The following EYS variants were observed in gnomAD, a reference collection of about 807,000 sequenced individuals.
The protein encoded by EYS is protein eyes shut homolog.
EYS carries 250 observed loss-of-function variants against 282.1 expected under a neutral mutation model. The observed-to-expected ratio is 0.89, with a 90% CI of 0.80 to 0.98. The LOEUF is 0.98. Ranked by LOEUF, EYS falls within the 50% of genes least tolerant of loss-of-function variation. EYS has a pLI of 0.00. For synonymous variants in EYS, 1,355 were observed against 1,282.9 expected, an observed-to-expected ratio of 1.06 and a Z score of -1.20; for missense variants, 4,016 against 3,709.0, an observed-to-expected ratio of 1.08 and a Z score of -2.15.
At chr6:63,844,471 C>A (rs1490602922) in intron 36 of EYS, among the ~76,000 whole-genome samples, 2 of 152,098 alleles carry the variant, frequency 1.3e-5, no homozygotes, top group Non-Finnish European at 2.9e-5. Flanking sequence ...CATTCCCGCC[C>A]ACAGTGTAAA....
At chr6:65,585,405 A>G (rs545341488) in intron 2 of EYS, among the ~76,000 whole-genome samples, 16 of 152,082 alleles carry the variant, frequency 1.1e-4, no homozygotes, top group Non-Finnish European at 2.4e-4. Flanking sequence ...ACTTGCTTCA[A>G]TAATCCTCAA....
intron 2 of EYS, among the ~76,000 whole-genome samples, chr6:65,574,410 A>C (rs1234041957): frequency 6.6e-6 from 1 of 152,218 alleles, no homozygotes. Context: ...ATGTATGTAC[A>C]CTGAGAGTGA....
intron 26 of EYS, among the ~76,000 whole-genome samples, chr6:64,571,936 A>G (rs936648132): frequency 6.6e-6 from 1 of 152,190 alleles, no homozygotes; most frequent in Non-Finnish European, 1.5e-5. Context: ...TGAGGCCAGC[A>G]TCATCCTGAT....
At chr6:65,159,131 T>C (rs1764793999) in intron 12 of EYS, among the ~76,000 whole-genome samples, 1 of 150,940 alleles carries the variant, frequency 6.6e-6, no homozygotes, top group Non-Finnish European at 1.5e-5. Context: ...ACATAATTTT[T>C]GCCCCTCTAT....
At chr6:65,275,794 T>C (rs1295373164) in intron 12 of EYS, among the ~76,000 whole-genome samples, 1 of 152,154 alleles carries the variant, frequency 6.6e-6, no homozygotes, top group East Asian at 1.9e-4. Flanking sequence ...AGCTACCTGG[T>C]GGCAGATTGG....
intron 29 of EYS, among the ~76,000 whole-genome samples, chr6:64,323,635 A>C (rs542118904): frequency 1.2e-3 from 189 of 152,248 alleles, no homozygotes; most frequent in Middle Eastern, 0.01. Flanking sequence ...TTGAGGAGGG[A>C]GCTAGTAGCT....
intron 12 of EYS, among the ~76,000 whole-genome samples, chr6:65,211,740 GA>G (rs912470169): frequency 2.6e-5 from 4 of 151,244 alleles, no homozygotes; most frequent in South Asian, 2.1e-4. Context: ...AGGAGGGGCA[GA>G]AAAAAAAGCC....
intron 29 of EYS, among the ~76,000 whole-genome samples, chr6:64,370,082 G>A (rs1772313963): frequency 6.6e-6 from 1 of 152,090 alleles, no homozygotes; most frequent in African/African-American, 2.4e-5. Context: ...GGAGTGGTGA[G>A]AGAGGGCATC....
intron 26 of EYS, among the ~76,000 whole-genome samples, chr6:64,529,042 AAC>A (rs1778014927): frequency 4.6e-5 from 7 of 152,040 alleles, no homozygotes; most frequent in Admixed American, 4.6e-4. Context: ...TAGATCCTAA[AAC>A]GGTTTATATG....
Position 65,494,649 on chromosome 6 carries a change from T to C in EYS, c.748+14A>G. On this transcript the variant is annotated intron_variant, in intron 4 of 42. Coordinates refer to ENST00000503581, the MANE Select transcript of EYS (RefSeq NM_001142800.2). ...CTCTATTTTAATAAAATTATATATT[T>C]TAAACAATCTTACCTGTAAATGGTG... 6.5e-7 allele frequency: 1 copy of C among 1,538,656 alleles called. No homozygotes were observed. The highest frequency in any genetic ancestry group is 1.2e-5 in the South Asian group (1 of 83,522).
At chr6:65,277,799 T>A (rs976306669) in intron 12 of EYS, among the ~76,000 whole-genome samples, 1 of 152,056 alleles carries the variant, frequency 6.6e-6, no homozygotes, top group Non-Finnish European at 1.5e-5. Flanking sequence ...AGTTAGGAGA[T>A]TCAGACCTAG....
intron 12 of EYS, among the ~76,000 whole-genome samples, chr6:65,289,906 A>AT (rs1225214096): frequency 1.3e-5 from 2 of 151,244 alleles, no homozygotes; most frequent in African/African-American, 2.4e-5. Flanking sequence ...CATGTTCTTT[A>AT]TTAATGATAC....
chr6:65,333,346 G>C (rs1165835339), intron 11 of EYS, among the ~76,000 whole-genome samples: 1 of 151,600 alleles, frequency 6.6e-6, no homozygotes, highest in African/African-American at 2.4e-5. Context: ...AATTTATCAA[G>C]TTACTTATTG....
intron 18 of EYS, among the ~76,000 whole-genome samples, chr6:64,895,757 G>T (rs1412664726): frequency 6.6e-6 from 1 of 152,036 alleles, no homozygotes; most frequent in East Asian, 1.9e-4. Context: ...AAGAATCTGA[G>T]TTTATTTTTT....
chr6:65,326,358 T>C (rs569862955), intron 11 of EYS, among the ~76,000 whole-genome samples: 127 of 151,550 alleles, frequency 8.4e-4, no homozygotes, highest in Non-Finnish European at 1.6e-3. Flanking sequence ...TTTTCTACCA[T>C]TGATTAGAAA....
At chr6:64,023,622 T>C (rs968115474) in intron 33 of EYS, among the ~76,000 whole-genome samples, 2 of 152,222 alleles carry the variant, frequency 1.3e-5, no homozygotes, top group Non-Finnish European at 2.9e-5. Context: ...GAGGCAACAG[T>C]GTGCGCCCTC....
chr6:64,992,877 C>A (rs1193303009), intron 14 of EYS, among the ~76,000 whole-genome samples: 1 of 151,912 alleles, frequency 6.6e-6, no homozygotes, highest in African/African-American at 2.4e-5. Flanking sequence ...AAGAAGAGAA[C>A]CTAGAGGTTT....
intron 11 of EYS, among the ~76,000 whole-genome samples, chr6:65,325,637 T>G (rs1175848130): frequency 6.6e-6 from 1 of 152,072 alleles, no homozygotes; most frequent in Non-Finnish European, 1.5e-5. Flanking sequence ...GACAGGGGAC[T>G]GTGAGGAGGA....
chr6:64,143,403 A>G (rs1383336172), intron 31 of EYS, among the ~76,000 whole-genome samples: 3 of 147,648 alleles, frequency 2.0e-5, no homozygotes, highest in Admixed American at 6.7e-5. Context: ...AGTATGAGGT[A>G]TTCTTAGTAG....
Sources: allele counts gnomAD v4.1 joint callset (sites outside exome capture counted in the v4.1 genomes callset), GRCh38; gene constraint gnomAD v4.1.1; transcripts MANE v1.5; gene names NCBI Gene and HGNC (gene_info 2026-07-23, HGNC 2026-07-21).